ATF7: variants seen among roughly 807,000 people sequenced by gnomAD.
The protein encoded by ATF7 is cyclic AMP-dependent transcription factor ATF-7.
A neutral mutation model predicts 50.4 loss-of-function variants in ATF7; 10 were observed. The ratio of observed to expected loss-of-function variants is 0.20; its 90% CI spans 0.12 to 0.34. The LOEUF (loss-of-function observed/expected upper bound fraction) is 0.34, where lower values mean the gene tolerates loss of function less well. Among genes scored for constraint, ATF7 ranks in the 10% least tolerant of loss-of-function variants. The pLI is 1.00. For synonymous variants in ATF7, 201 were observed against 226.4 expected, an observed-to-expected ratio of 0.89 and a Z score of 1.01; for missense variants, 465 against 613.9, an observed-to-expected ratio of 0.76 and a Z score of 2.56.
At chr12:53,552,895 T>C (rs904410991) in intron 2 of ATF7, among the ~76,000 whole-genome samples, 3 of 151,926 alleles carry the variant, frequency 2.0e-5, no homozygotes, top group Non-Finnish European at 4.4e-5. Context: ...GACAGATTGT[T>C]GGTAAAGTGG....
chr12:53,595,255 A>G (rs1943108354), intron 2 of ATF7, among the ~76,000 whole-genome samples: 1 of 152,252 alleles, frequency 6.6e-6, no homozygotes, highest in African/African-American at 2.4e-5. Flanking sequence ...AACATAGCAT[A>G]TACTACCACA....
At position 53,537,424 on chromosome 12, in the gene ATF7, C is replaced by A. The variant is rs1426778203; in HGVS notation, c.393G>T (p.Leu131=). 1 of 1,613,562 alleles carries A rather than the reference C, an allele frequency of 6.2e-7. No homozygotes were observed. Among genetic ancestry groups the A allele is most frequent in the Middle Eastern group, 1.7e-4 (1 of 5,976 alleles). Residue 131 remains leucine, a synonymous_variant, in exon 5 of 12, where the codon CTG becomes CTT. Transcript: ENST00000420353. ...SPASSPCSPP[L]KEKEVTPKPV... ...TTGGTAGAGAATTTACCTTCTCCTTCAGTGGTGGGGAACAGGGACTAGAGG... is the reference window on the plus strand; with the variant it reads ...TTGGTAGAGAATTTACCTTCTCCTTAAGTGGTGGGGAACAGGGACTAGAGG...
chr12:53,615,154 C>A lies in ATF7; in HGVS notation c.-22+11125G>T, dbSNP rs111672601. On this transcript the variant is annotated intron_variant, in intron 1 of 11. Coordinates refer to ENST00000420353, the MANE Select transcript of ATF7 (RefSeq NM_006856.3). The stretch of plus-strand genomic sequence containing the variant: ...ATCTCAACACTTTGGAAGACCGAGG[C>A]GGGCGGATCACAAGGTCAGGAGATT... Among the ~76,000 whole-genome samples the A allele has an allele frequency of 6.3e-3, 955 of 151,534 alleles. 14 individuals carry two copies. Among genetic ancestry groups the A allele is most frequent in the South Asian group, 0.04 (193 of 4,804 alleles).
rs1033881272 is a variant in ATF7 at position 53,533,095 on chromosome 12, C to G, written c.660+65G>C. 2.1e-6 allele frequency: 3 copies of G among 1,397,834 alleles called. No homozygotes were observed. In the Admixed American group the frequency reaches 5.3e-5, roughly 25 times the overall value. The allele number at this position is 1,397,834 out of a possible 1,614,324, so 86.6% of individuals were successfully genotyped here. Reference sequence around the variant, plus strand: ...CCTGGGGCTCATGTGTATTTTATGACCATTCAGGTGGAAGGGAAGGATTAC... The same window carrying G: ...CCTGGGGCTCATGTGTATTTTATGAGCATTCAGGTGGAAGGGAAGGATTAC... On this transcript the variant is annotated intron_variant, in intron 7 of 11. Coordinates refer to ENST00000420353, the MANE Select transcript of ATF7 (RefSeq NM_006856.3).
intron 1 of ATF7, among the ~76,000 whole-genome samples, chr12:53,619,673 A>C (rs546815122): frequency 1.9e-4 from 29 of 151,814 alleles, no homozygotes; most frequent in Non-Finnish European, 3.8e-4. Flanking sequence ...TTAGATGGGC[A>C]CGGTGGCGCA....
intron 2 of ATF7, among the ~76,000 whole-genome samples, chr12:53,584,204 A>T (rs1942573638): frequency 6.6e-6 from 1 of 151,906 alleles, no homozygotes; most frequent in Non-Finnish European, 1.5e-5. Flanking sequence ...CTCTTCTCGA[A>T]CTCCTGACCT....
At chr12:53,601,073 A>C in intron 1 of ATF7, 52 bp from the exon 2 acceptor site, 1 of 1,185,092 alleles carries the variant, frequency 8.4e-7, no homozygotes, top group Non-Finnish European at 1.2e-6. Context: ...CTGGAGCAAA[A>C]AAAAAAAAAA....
rs1284669057 is a variant in ATF7, at chr12:53,556,043, C to T, written c.49-3406G>A. Among the ~76,000 whole-genome samples, 120 of 152,062 alleles carry T rather than the reference C, an allele frequency of 7.9e-4. 1 individual carries two copies. The highest frequency in any genetic ancestry group is 8.8e-5 in the Non-Finnish European group (6 of 67,994). On this transcript the variant is annotated intron_variant, in intron 2 of 11. Transcript: ENST00000420353. ...GTTGGCCAAGCTGGTCTTGAACTCC[C>T]GACCTCAGGTGATCCACCCACCTCG... is the stretch of plus-strand genomic sequence containing the variant.
At chr12:53,542,881 A>G (rs1939657009) in intron 4 of ATF7, 1 of 1,001,754 alleles carries the variant, frequency 1.0e-6, no homozygotes, top group African/African-American at 1.7e-5. Context: ...ATATTGAAAC[A>G]AAGAAGAGTG....
At chr12:53,541,971 G>A (rs532894377) in intron 4 of ATF7, among the ~76,000 whole-genome samples, 38 of 152,154 alleles carry the variant, frequency 2.5e-4, no homozygotes, top group Middle Eastern at 6.8e-3. Context: ...ACAGGCGTGC[G>A]CCGCCACGCC....
At chr12:53,572,963 T>C (rs920310212) in intron 2 of ATF7, among the ~76,000 whole-genome samples, 6 of 151,874 alleles carry the variant, frequency 4.0e-5, no homozygotes, top group Non-Finnish European at 8.8e-5. Flanking sequence ...TTTTGTGTTT[T>C]TAGTAGAGAC....
At chr12:53,528,028 A>G (rs996566863) in intron 9 of ATF7, among the ~76,000 whole-genome samples, 5 of 151,778 alleles carry the variant, frequency 3.3e-5, no homozygotes, top group Non-Finnish European at 7.4e-5. Flanking sequence ...TTTTTAGTAG[A>G]GACAGGGTTT....
At chr12:53,585,215 A>G (rs1565979205) in intron 2 of ATF7, among the ~76,000 whole-genome samples, 1 of 152,090 alleles carries the variant, frequency 6.6e-6, no homozygotes, top group Non-Finnish European at 1.5e-5. Flanking sequence ...GGCTCCAGCA[A>G]TCCTCCTGCC....
downstream of ATF7, among the ~76,000 whole-genome samples, chr12:53,511,078 A>ACTCCAGAGACACCTGCTAT (rs1332629463): frequency 6.6e-6 from 1 of 151,866 alleles, no homozygotes; most frequent in East Asian, 1.9e-4. Context: ...CTACTGGGAA[A>ACTCCAGAGACACCTGCTAT]CTCCAGAGAC....
intron 3 of ATF7, among the ~76,000 whole-genome samples, chr12:53,546,698 C>T (rs1939942613): frequency 6.6e-6 from 1 of 151,920 alleles, no homozygotes; most frequent in Admixed American, 6.6e-5. Context: ...GATCTGCCTG[C>T]CTCAGCCTCC....
At chr12:53,555,490 A>ATTTT (rs543048867) in intron 2 of ATF7, among the ~76,000 whole-genome samples, 9 of 100,768 alleles carry the variant, frequency 8.9e-5, no homozygotes, top group African/African-American at 1.7e-4. Context: ...AAATAATATA[A>ATTTT]TTTTTTTTTT....
chr12:53,550,610 A>G (rs955174962), intron 3 of ATF7, among the ~76,000 whole-genome samples: 1 of 152,176 alleles, frequency 6.6e-6, no homozygotes, highest in African/African-American at 2.4e-5. Flanking sequence ...CAAGATTTTG[A>G]GAATACTGAT....
At chr12:53,552,766 A>T in intron 2 of ATF7, 129 bp from the exon 3 acceptor site, 1 of 704,386 alleles carries the variant, frequency 1.4e-6, no homozygotes, top group Admixed American at 2.4e-5. Context: ...GAGAGGGAGA[A>T]AAAACTGGAA....
In ATF7 at chr12:53,524,439, TG is replaced by T; in HGVS notation, c.1125+124del. On this transcript the variant is annotated intron_variant, in intron 10 of 11. Coordinates refer to ENST00000420353, the MANE Select transcript of ATF7 (RefSeq NM_006856.3). The surrounding 1 kb of genome is among the most constrained non-coding windows in gnomAD (Gnocchi z 4.6). ...ACTCTGACCGTTAAGAGATTCTTCA[TG>T]GGACAACTAGATCTGTCCTAATTAG... is the stretch of plus-strand genomic sequence containing the variant. 9.1e-7 allele frequency: 1 copy of T among 1,099,846 alleles called. No homozygotes were observed. The highest frequency in any genetic ancestry group is 1.3e-6 in the Non-Finnish European group (1 of 777,030). 68.1% of individuals were successfully genotyped at this position (1,099,846 alleles called of 1,614,324 possible).
Sources: gnomAD v4.1 joint callset for allele counts (sites outside exome capture counted in the v4.1 genomes callset) on GRCh38, gnomAD v4.1.1 for gene constraint, Gnocchi (gnomAD v3.1) non-coding constraint, MANE v1.5 for transcripts, NCBI Gene and HGNC (gene_info 2026-07-23, HGNC 2026-07-21) for gene names.